The following PCDHGA9 variants were observed in gnomAD, a reference collection of about 807,000 sequenced individuals.
PCDHGA9 encodes protocadherin gamma subfamily A, 9.
Under a neutral mutation model 62.5 loss-of-function variants are expected in PCDHGA9, and 37 were observed. That is an observed-to-expected ratio of 0.59 (90% confidence interval 0.46 to 0.78). The LOEUF is 0.78. PCDHGA9 is among the 30% of genes least tolerant of loss of function. The probability of loss-of-function intolerance (pLI) is 0.00; values close to 1 mark genes in which losing one functional copy is unlikely to be tolerated. For synonymous variants in PCDHGA9, 459 were observed against 484.6 expected (o/e 0.95, Z 0.69); for missense variants, 1,138 against 1,166.2 (o/e 0.98, Z 0.35).
intron 1 of PCDHGA9, chr5:141,421,970 A>G (rs2096615419): frequency 1.2e-6 from 2 of 1,610,810 alleles, no homozygotes; most frequent in Non-Finnish European, 1.7e-6. Context: ...CAGTCCGTAT[A>G]TCGCGTGAGT....
rs1200950542 is a variant in PCDHGA9, at chr5:141,409,998, G to A, written c.2424+4622G>A. 4 of 1,613,236 alleles carry A rather than the reference G, an allele frequency of 2.5e-6. No homozygotes were observed. In the Admixed American group the frequency reaches 6.7e-5, roughly 27 times the overall value. On this transcript the variant is annotated intron_variant, in intron 1 of 3. Coordinates refer to ENST00000573521, the MANE Select transcript of PCDHGA9 (RefSeq NM_018921.3). ...GTGGTAGCGGTGGACGCCGACTCGGGACACAACGCCTGGCTGTCCTACCAC... is the reference window on the plus strand; with the variant it reads ...GTGGTAGCGGTGGACGCCGACTCGGAACACAACGCCTGGCTGTCCTACCAC...
At position 141,511,076 on chromosome 5, in the gene PCDHGA9, A is replaced by G. The variant is rs201009079; in HGVS notation, c.2702A>G (p.Asn901Ser). 19 of 1,614,218 alleles carry G rather than the reference A, an allele frequency of 1.2e-5. No individual in the cohort carries two copies. In the East Asian group the frequency reaches 3.6e-4, roughly 30 times the overall value. ...CAGAATGTCTACATCCCAGGCAGCA[A>G]TGCCACACTGACCAACGCAGCTGGC... ...YRQNVYIPGS[N>S]ATLTNAAGKR... Residue 901 changes from asparagine (N) to serine (S), a missense_variant, in exon 4 of 4, where the codon AAT (asparagine) becomes AGT (serine). Coordinates refer to ENST00000573521, the MANE Select transcript of PCDHGA9 (RefSeq NM_018921.3).
chr5:141,413,397 T>A, intron 1 of PCDHGA9: 1 of 1,613,942 alleles, frequency 6.2e-7, no homozygotes, highest in Non-Finnish European at 8.5e-7. Context: ...TCTCCAGAGG[T>A]AGGACGCAGC....
At chr5:141,421,184 C>G (rs2096551183) in intron 1 of PCDHGA9, 1 of 1,457,940 alleles carries the variant, frequency 6.9e-7, no homozygotes, top group African/African-American at 1.4e-5. Context: ...CGATTCACAA[C>G]CAACCAGCTC....
At chr5:141,413,796 G>A in intron 1 of PCDHGA9, 2 of 1,613,190 alleles carry the variant, frequency 1.2e-6, no homozygotes, top group Non-Finnish European at 1.7e-6. Flanking sequence ...TAGATCGCGA[G>A]GAAGAGGCCA....
At chr5:141,439,500 TTCTC>T (rs1399113868) in intron 1 of PCDHGA9, among the ~76,000 whole-genome samples, 9 of 152,246 alleles carry the variant, frequency 5.9e-5, no homozygotes, top group Admixed American at 2.0e-4. Context: ...AGAAACGTCT[TTCTC>T]TCTGCTCTCA....
chr5:141,437,794 G>C (rs1162440523), intron 1 of PCDHGA9, among the ~76,000 whole-genome samples: 1 of 150,526 alleles, frequency 6.6e-6, no homozygotes, highest in Non-Finnish European at 1.5e-5. Context: ...CTGGAGTGCA[G>C]TGGCACTATC....
chr5:141,510,291 A>AG (rs903726285), intron 3 of PCDHGA9, among the ~76,000 whole-genome samples: 1 of 150,450 alleles, frequency 6.6e-6, no homozygotes, highest in African/African-American at 2.4e-5. Context: ...AAAAAAAAAA[A>AG]TGCTGTTTTG....
At chr5:141,414,225 G>A in intron 1 of PCDHGA9, 1 of 1,613,398 alleles carries the variant, frequency 6.2e-7, no homozygotes, top group Non-Finnish European at 8.5e-7. Context: ...ACAGTCCAGA[G>A]CTGACCATCA....
intron 1 of PCDHGA9, chr5:141,422,466 G>T: frequency 1.2e-6 from 2 of 1,613,528 alleles, no homozygotes; most frequent in Non-Finnish European, 1.7e-6. Flanking sequence ...TGCTGGACAG[G>T]GAGTTGGTCC....
At chr5:141,445,178 A>G (rs768321514) in intron 1 of PCDHGA9, among the ~76,000 whole-genome samples, 2 of 152,218 alleles carry the variant, frequency 1.3e-5, no homozygotes, top group Admixed American at 1.3e-4. Context: ...ATGAAAAACT[A>G]TGTTTTTATG....
chr5:141,426,998 A>C (rs981827933), intron 1 of PCDHGA9: 8 of 456,664 alleles, frequency 1.8e-5, no homozygotes, highest in African/African-American at 1.6e-4. Flanking sequence ...ATAATGCCCC[A>C]GTTTTTAGCC....
At chr5:141,475,657 C>T (rs2099366732) in intron 1 of PCDHGA9, among the ~76,000 whole-genome samples, 1 of 152,204 alleles carries the variant, frequency 6.6e-6, no homozygotes, top group Non-Finnish European at 1.5e-5. Flanking sequence ...GAAAGTGATT[C>T]AAATGTTTAA....
At chr5:141,494,682 C>G (rs1282135022) in intron 1 of PCDHGA9, 125 bp from the exon 2 acceptor site, 16 of 1,564,362 alleles carry the variant, frequency 1.0e-5, no homozygotes, top group African/African-American at 1.4e-5. Context: ...ACCCCTGCCC[C>G]CTCTTAGTCC....
intron 1 of PCDHGA9, chr5:141,430,592 C>A (rs2097296542): frequency 1.8e-6 from 1 of 544,568 alleles, no homozygotes; most frequent in Non-Finnish European, 2.9e-6. Flanking sequence ...TCGCCTTGCA[C>A]GCGCCTGAAG....
rs1029546280 is a variant in PCDHGA9 at position 141,423,551 on chromosome 5, A to G, written c.2424+18175A>G. On this transcript the variant is annotated intron_variant, in intron 1 of 3. Coordinates refer to ENST00000573521, the MANE Select transcript of PCDHGA9 (RefSeq NM_018921.3). ...AGTCACCTGATTTTCCCCCAGCCCA[A>G]CTATGGGGACACGCTCATCAGCCAG... The G allele has an allele frequency of 2.5e-6, 4 of 1,613,498 alleles. No individual in the cohort carries two copies. The African/African-American group carries it at 5.3e-5, about 22-fold the overall frequency.
At chr5:141,471,046 CTT>C (rs1170588345) in intron 1 of PCDHGA9, among the ~76,000 whole-genome samples, 2,578 of 113,210 alleles carry the variant, frequency 0.023, 53 homozygotes, top group East Asian at 0.11. Context: ...CCCAAGCCCT[CTT>C]TTTTTTTTTT....
Position 141,432,126 on chromosome 5 carries a change from C to A in PCDHGA9, c.2424+26750C>A. 6.2e-7 allele frequency: 1 copy of A among 1,614,144 alleles called. No homozygotes were observed. Among genetic ancestry groups the A allele is most frequent in the South Asian group, 1.1e-5 (1 of 91,058 alleles). ...AACCCGCCGGTCTTCCCTCAGGCCT[C>A]CTATTCCGCTTATATCCCAGAGAAC... On this transcript the variant is annotated intron_variant, in intron 1 of 3. Transcript: ENST00000573521. The surrounding 1 kb of genome is among the most constrained non-coding windows in gnomAD (Gnocchi z 6.0).
At chr5:141,467,747 C>T (rs56743829) in intron 1 of PCDHGA9, among the ~76,000 whole-genome samples, 7,097 of 152,110 alleles carry the variant, frequency 0.047, 213 homozygotes, top group Middle Eastern at 0.092. Context: ...CTGCAACCTC[C>T]GCCTCACATG....
Sources: allele counts gnomAD v4.1 joint callset (sites outside exome capture counted in the v4.1 genomes callset), GRCh38; gene constraint gnomAD v4.1.1; non-coding constraint Gnocchi (gnomAD v3.1); transcripts MANE v1.5; gene names NCBI Gene and HGNC (gene_info 2026-07-23, HGNC 2026-07-21).